The following SLC44A1 variants were observed in gnomAD, a reference collection of about 807,000 sequenced individuals.
SLC44A1 encodes choline transporter-like protein 1.
SLC44A1 carries 26 observed loss-of-function variants against 79.3 expected under a neutral mutation model. The ratio of observed to expected loss-of-function variants is 0.33; its 90% CI spans 0.24 to 0.46. The LOEUF is 0.46. Among genes scored for constraint, SLC44A1 ranks in the 20% least tolerant of loss-of-function variants. The pLI is 1.00. For synonymous variants in SLC44A1, 263 were observed against 286.2 expected, an observed-to-expected ratio of 0.92 and a Z score of 0.82; for missense variants, 688 against 798.1, an observed-to-expected ratio of 0.86 and a Z score of 1.66.
At chr9:105,278,258 T>C (rs1830259354) in intron 1 of SLC44A1, among the ~76,000 whole-genome samples, 1 of 151,808 alleles carries the variant, frequency 6.6e-6, no homozygotes, top group African/African-American at 2.4e-5. Context: ...TATTTATTTA[T>C]TTATTTATGA....
intron 3 of SLC44A1, among the ~76,000 whole-genome samples, chr9:105,334,295 G>C (rs372247090): frequency 3.4e-4 from 51 of 148,732 alleles, no homozygotes; most frequent in African/African-American, 1.2e-3. Context: ...CGGGTTCCCA[G>C]TCCCCTTGCT....
chr9:105,386,441 CCTTT>C lies in SLC44A1; in HGVS notation c.1950+942_1950+945del, dbSNP rs1457799616. 3.0e-6 allele frequency: 3 copies of C among 984,004 alleles called. No homozygotes were observed. In the African/African-American group the frequency reaches 5.2e-5, roughly 17 times the overall value. The allele number at this position is 984,004 out of a possible 1,614,324, so 61.0% of individuals were successfully genotyped here. A position where few individuals can be genotyped will look rare whatever the true frequency, so the allele number is the denominator to read the frequency against. Reference sequence around the variant, plus strand: ...TTCAAAAGTGTGAGGTAAGGACTTTCCTTTCTGTCTTCTTTACACTTTAGTAAAT... The same window carrying C: ...TTCAAAAGTGTGAGGTAAGGACTTTCCTGTCTTCTTTACACTTTAGTAAAT... On this transcript the variant is annotated intron_variant, in intron 15 of 15. Coordinates refer to ENST00000374720, the MANE Select transcript of SLC44A1 (RefSeq NM_080546.5).
intron 1 of SLC44A1, among the ~76,000 whole-genome samples, chr9:105,282,102 G>A (rs1830366813): frequency 6.6e-6 from 1 of 152,192 alleles, no homozygotes; most frequent in Admixed American, 6.5e-5. Flanking sequence ...ACCAGTGCAG[G>A]TCTGTCTGAG....
chr9:105,281,727 A>G (rs892393422), intron 1 of SLC44A1, among the ~76,000 whole-genome samples: 2 of 152,212 alleles, frequency 1.3e-5, no homozygotes, highest in South Asian at 2.1e-4. Context: ...CCATCTTAAA[A>G]TGGGTTGTTC....
intron 5 of SLC44A1, among the ~76,000 whole-genome samples, chr9:105,354,924 C>T (rs1008685603): frequency 6.6e-6 from 1 of 152,178 alleles, no homozygotes; most frequent in Non-Finnish European, 1.5e-5. Flanking sequence ...TAGTGCCCAA[C>T]CATGTAATTT....
chr9:105,411,609 T>C (rs947558012), intron 15 of SLC44A1, among the ~76,000 whole-genome samples: 2 of 152,142 alleles, frequency 1.3e-5, no homozygotes, highest in African/African-American at 4.8e-5. Context: ...TTCATTTTCA[T>C]GTCTCTTTAA....
chr9:105,309,593 A>G, intron 2 of SLC44A1, 131 bp from the exon 3 acceptor site: 1 of 725,066 alleles, frequency 1.4e-6, no homozygotes, highest in Non-Finnish European at 2.3e-6. Context: ...ACAGTGGAAT[A>G]GTGTTTGCAG....
chr9:105,320,145 T>C (rs1159164333), intron 3 of SLC44A1, among the ~76,000 whole-genome samples: 1 of 152,190 alleles, frequency 6.6e-6, no homozygotes, highest in Non-Finnish European at 1.5e-5. Flanking sequence ...TTAAAACATA[T>C]AATAATGCTA....
rs1828814675 is a variant in SLC44A1, at chr9:105,393,645, T to C, written c.*4589T>C. ...AATACTGTAGTGCCCTTTCTTCCCA[T>C]CTTGATTTTGTACATGTAAAGACAA... On this transcript the variant is annotated 3_prime_UTR_variant, in exon 16 of 16. Coordinates refer to ENST00000374720, the MANE Select transcript of SLC44A1 (RefSeq NM_080546.5). 2.0e-6 allele frequency: 2 copies of C among 984,260 alleles called. No homozygotes were observed. The highest frequency in any genetic ancestry group is 2.4e-6 in the Non-Finnish European group (2 of 828,860). The allele number at this position is 984,260 out of a possible 1,614,324, so 61.0% of individuals were successfully genotyped here. A position where few individuals can be genotyped will look rare whatever the true frequency, so the allele number is the denominator to read the frequency against.
At chr9:105,363,255 C>T (rs1182290064) in intron 9 of SLC44A1, among the ~76,000 whole-genome samples, 3 of 152,098 alleles carry the variant, frequency 2.0e-5, no homozygotes, top group African/African-American at 4.8e-5. Context: ...CTCCGCCTCC[C>T]GGGTTCAAGT....
chr9:105,248,741 C>T (rs1165473207), intron 1 of SLC44A1, among the ~76,000 whole-genome samples: 1 of 152,206 alleles, frequency 6.6e-6, no homozygotes, highest in Non-Finnish European at 1.5e-5. Flanking sequence ...TTATTCCCAT[C>T]TCCCTATAAT....
chr9:105,432,360 T>C (rs915983561), intron 15 of SLC44A1, among the ~76,000 whole-genome samples: 3 of 152,242 alleles, frequency 2.0e-5, no homozygotes, highest in African/African-American at 7.2e-5. Context: ...CTAAAGGTAA[T>C]ACAACCTTAT....
At position 105,371,957 on chromosome 9, in the gene SLC44A1, A is replaced by G. The variant is rs142792974; in HGVS notation, c.1495-2641A>G. Among the ~76,000 whole-genome samples the G allele has an allele frequency of 1.1e-3, 174 of 152,248 alleles. 3 individuals carry two copies. The East Asian group carries it at 0.031, about 27-fold the overall frequency. Reference sequence around the variant, plus strand: ...AAGATCAAAAGTGTAGTTTATTTTTACTTCATTGAGGCACTTGGCAGAGTA... The same window carrying G: ...AAGATCAAAAGTGTAGTTTATTTTTGCTTCATTGAGGCACTTGGCAGAGTA... On this transcript the variant is annotated intron_variant, in intron 12 of 15. Coordinates refer to ENST00000374720, the MANE Select transcript of SLC44A1 (RefSeq NM_080546.5).
chr9:105,380,827 C>A (rs1044960930), intron 13 of SLC44A1, among the ~76,000 whole-genome samples: 6 of 152,160 alleles, frequency 3.9e-5, no homozygotes, highest in Non-Finnish European at 8.8e-5. Flanking sequence ...ATGCAAACTA[C>A]TGGGCTTTAT....
chr9:105,278,840 T>G (rs191308624), intron 1 of SLC44A1, among the ~76,000 whole-genome samples: 1 of 152,352 alleles, frequency 6.6e-6, no homozygotes, highest in African/African-American at 2.4e-5. Flanking sequence ...TCATCTTATA[T>G]TGCCAAGGCT....
chr9:105,304,912 T>A (rs773013960), intron 2 of SLC44A1, among the ~76,000 whole-genome samples: 1 of 148,774 alleles, frequency 6.7e-6, no homozygotes, highest in Non-Finnish European at 1.5e-5. Flanking sequence ...CAATAAATGC[T>A]TATTGAGTAG....
chr9:105,312,414 T>C (rs1831204738), intron 3 of SLC44A1, among the ~76,000 whole-genome samples: 1 of 152,236 alleles, frequency 6.6e-6, no homozygotes, highest in Non-Finnish European at 1.5e-5. Flanking sequence ...CTAAGTGCCA[T>C]GAGAGAAGAA....
chr9:105,265,218 A>G (rs1365565939), intron 1 of SLC44A1, among the ~76,000 whole-genome samples: 2 of 152,212 alleles, frequency 1.3e-5, no homozygotes, highest in Non-Finnish European at 2.9e-5. Flanking sequence ...TGACAGACGC[A>G]TGGCCTTATG....
At chr9:105,334,086 C>T (rs1439520885) in intron 3 of SLC44A1, among the ~76,000 whole-genome samples, 2 of 152,162 alleles carry the variant, frequency 1.3e-5, no homozygotes, top group African/African-American at 4.8e-5. Context: ...AGAAACAATT[C>T]TCTGTATGCC....
Sources: gnomAD v4.1 joint callset for allele counts (sites outside exome capture counted in the v4.1 genomes callset) on GRCh38, gnomAD v4.1.1 for gene constraint, MANE v1.5 for transcripts, NCBI Gene and HGNC (gene_info 2026-07-23, HGNC 2026-07-21) for gene names.